Variants in SHISA6 observed in about 807,000 individuals in gnomAD.
SHISA6 encodes protein shisa-6.
Under a neutral mutation model 47.9 loss-of-function variants are expected in SHISA6, and 22 were observed. The ratio of observed to expected loss-of-function variants is 0.46; its 90% confidence interval spans 0.33 to 0.66. The LOEUF is 0.66. Among genes scored for constraint, SHISA6 ranks in the 30% least tolerant of loss-of-function variants. The pLI, the probability that SHISA6 is intolerant of heterozygous loss-of-function variation, is 0.02. For synonymous variants in SHISA6, 388 were observed against 337.8 expected (o/e 1.15, Z -1.63); for missense variants, 680 against 764.6 (o/e 0.89, Z 1.30).
At chr17:11,379,230 A>T (rs536570992) in intron 2 of SHISA6, among the ~76,000 whole-genome samples, 184 bp from the exon 3 acceptor site, 136 of 148,160 alleles carry the variant, frequency 9.2e-4, no homozygotes, top group African/African-American at 3.2e-3. Flanking sequence ...TAATATATAT[A>T]TTTTTCATAT....
intron 2 of SHISA6, among the ~76,000 whole-genome samples, chr17:11,352,715 C>T (rs4141143): frequency 0.46 from 69,919 of 151,984 alleles, 16,478 homozygotes; most frequent in East Asian, 0.67. Context: ...AGGGTTGGTG[C>T]GCCTTGTGCA....
At chr17:11,318,802 G>C (rs1910608398) in intron 2 of SHISA6, among the ~76,000 whole-genome samples, 1 of 152,050 alleles carries the variant, frequency 6.6e-6, no homozygotes, top group Admixed American at 6.6e-5. Context: ...TCCTCATAAG[G>C]TATTCAGTGT....
At chr17:11,481,006 T>C (rs1006253359) in intron 3 of SHISA6, among the ~76,000 whole-genome samples, 4 of 152,112 alleles carry the variant, frequency 2.6e-5, no homozygotes, top group Non-Finnish European at 5.9e-5. Flanking sequence ...AGGCCAGGTG[T>C]GGTGGCTTAT....
intron 3 of SHISA6, among the ~76,000 whole-genome samples, chr17:11,428,779 C>CTTTTTTTTTT (rs34920362): frequency 1.0e-5 from 1 of 96,060 alleles, no homozygotes; most frequent in African/African-American, 4.3e-5. Flanking sequence ...GATCCACTTT[C>CTTTTTTTTTT]TTTTTTTTTT....
chr17:11,478,736 T>A, intron 3 of SHISA6, among the ~76,000 whole-genome samples: 1 of 109,568 alleles, frequency 9.1e-6, no homozygotes, highest in Admixed American at 1.0e-4. Flanking sequence ...GTTGTAGATA[T>A]GCGGCGTTAT....
chr17:11,449,849 T>A (rs942345668), intron 3 of SHISA6, among the ~76,000 whole-genome samples: 4 of 152,200 alleles, frequency 2.6e-5, no homozygotes, highest in Non-Finnish European at 5.9e-5. Flanking sequence ...CAAGGCTGTG[T>A]CTCTGTCTTC....
intron 2 of SHISA6, among the ~76,000 whole-genome samples, chr17:11,369,883 C>G (rs1240199669): frequency 1.3e-5 from 2 of 152,164 alleles, no homozygotes; most frequent in Non-Finnish European, 2.9e-5. Flanking sequence ...TAGAACTCAG[C>G]CTTTTGCGTT....
chr17:11,480,538 T>C (rs1597541322), intron 3 of SHISA6, among the ~76,000 whole-genome samples: 1 of 152,214 alleles, frequency 6.6e-6, no homozygotes, highest in East Asian at 1.9e-4. Flanking sequence ...CCCTTTCTGG[T>C]AGGTTCTCCC....
intron 3 of SHISA6, among the ~76,000 whole-genome samples, chr17:11,389,454 T>G (rs79389968): frequency 0.037 from 5,561 of 152,288 alleles, 187 homozygotes; most frequent in Admixed American, 0.087. Context: ...CAAGAGAGAC[T>G]TTAGGACACT....
At chr17:11,378,284 C>T (rs189124691) in intron 2 of SHISA6, among the ~76,000 whole-genome samples, 1 of 152,250 alleles carries the variant, frequency 6.6e-6, no homozygotes, top group East Asian at 1.9e-4. Context: ...TTCCTACTAT[C>T]CAAAGACATT....
At chr17:11,290,610 A>G (rs975075488) in intron 2 of SHISA6, 1 of 152,072 alleles carries the variant, frequency 6.6e-6, no homozygotes, top group African/African-American at 2.4e-5. Flanking sequence ...TCGGCCTCCT[A>G]AAGTGCTGGG....
chr17:11,435,123 C>CTT (rs1159886855), intron 3 of SHISA6, among the ~76,000 whole-genome samples: 2 of 112,430 alleles, frequency 1.8e-5, no homozygotes, highest in Admixed American at 8.4e-5. Flanking sequence ...CTGTCTTTCT[C>CTT]TCTCTCTCTG....
At chr17:11,369,956 A>T (rs938124818) in intron 2 of SHISA6, among the ~76,000 whole-genome samples, 2 of 152,224 alleles carry the variant, frequency 1.3e-5, no homozygotes, top group African/African-American at 4.8e-5. Flanking sequence ...AATCAAAGAC[A>T]CTGACTTTAG....
chr17:11,287,687 A>AAAGGG (rs2142165775), intron 2 of SHISA6, among the ~76,000 whole-genome samples: 2 of 1,170 alleles, frequency 1.7e-3, no homozygotes, highest in South Asian at 0.048. Flanking sequence ...AGAGAGAGAG[A>AAAGGG]GAGAGAAAGG....
intron 3 of SHISA6, among the ~76,000 whole-genome samples, chr17:11,509,283 A>G (rs762781604): frequency 6.6e-6 from 1 of 152,186 alleles, no homozygotes; most frequent in African/African-American, 2.4e-5. Context: ...AATCTTGGGG[A>G]ACACAGTCTG....
chr17:11,302,736 A>G (rs374585481), intron 2 of SHISA6, among the ~76,000 whole-genome samples: 2 of 152,230 alleles, frequency 1.3e-5, no homozygotes, highest in East Asian at 1.9e-4. Flanking sequence ...TTGTGATCCA[A>G]CCATTTCACA....
At chr17:11,518,484 T>C (rs1424772996) in intron 3 of SHISA6, among the ~76,000 whole-genome samples, 1 of 151,920 alleles carries the variant, frequency 6.6e-6, no homozygotes, top group Non-Finnish European at 1.5e-5. Flanking sequence ...CATACACACA[T>C]ACACACACAA....
At chr17:11,342,035 T>G (rs1287184615) in intron 2 of SHISA6, among the ~76,000 whole-genome samples, 1 of 152,024 alleles carries the variant, frequency 6.6e-6, no homozygotes, top group South Asian at 2.1e-4. Flanking sequence ...CAGTCTATCT[T>G]GTCTCTCTGG....
chr17:11,462,063 G>GC (rs1384207749), intron 3 of SHISA6, among the ~76,000 whole-genome samples: 1 of 152,196 alleles, frequency 6.6e-6, no homozygotes, highest in African/African-American at 2.4e-5. Context: ...TTCAGGCAAA[G>GC]CCATATAAGA....
Sources: gnomAD v4.1 joint callset for allele counts (sites outside exome capture counted in the v4.1 genomes callset) on GRCh38, gnomAD v4.1.1 for gene constraint, MANE v1.5 for transcripts, NCBI Gene and HGNC (gene_info 2026-07-23, HGNC 2026-07-21) for gene names.